MYH10: variants seen among roughly 807,000 people sequenced by gnomAD.
MYH10 encodes myosin heavy chain 10.
A neutral mutation model predicts 257.8 loss-of-function variants in MYH10; 55 were observed. The observed-to-expected ratio is 0.21, with a 90% CI of 0.17 to 0.27. MYH10 has a LOEUF of 0.27. Among genes scored for constraint, MYH10 ranks in the 10% least tolerant of loss-of-function variants. MYH10 has a pLI of 1.00. For synonymous variants in MYH10, 854 were observed against 921.7 expected (o/e 0.93, Z 1.33); for missense variants, 1,631 against 2,500.6 (o/e 0.65, Z 7.42).
intron 17 of MYH10, among the ~76,000 whole-genome samples, chr17:8,525,688 C>T (rs1043965610): frequency 1.3e-5 from 2 of 152,150 alleles, no homozygotes; most frequent in African/African-American, 4.8e-5. Context: ...AATATAGTAA[C>T]TAATAAATAG....
intron 3 of MYH10, among the ~76,000 whole-genome samples, chr17:8,600,204 A>C (rs2084538268): frequency 6.6e-6 from 1 of 152,220 alleles, no homozygotes; most frequent in Non-Finnish European, 1.5e-5. Context: ...AGTTTTACCA[A>C]ACAAGAATAA....
chr17:8,560,368 C>T (rs1198701634), intron 7 of MYH10: 6 of 245,198 alleles, frequency 2.4e-5, no homozygotes, highest in South Asian at 1.2e-4. Context: ...TTTATTTTTC[C>T]CTACCTTCAC....
intron 6 of MYH10, among the ~76,000 whole-genome samples, chr17:8,571,873 T>G (rs1013575079): frequency 2.0e-5 from 3 of 152,036 alleles, no homozygotes; most frequent in African/African-American, 4.8e-5. Flanking sequence ...GACCAATATC[T>G]TGCAAAGCCC....
intron 4 of MYH10, among the ~76,000 whole-genome samples, chr17:8,584,572 T>C (rs1020565581): frequency 2.6e-5 from 4 of 152,290 alleles, no homozygotes; most frequent in South Asian, 2.1e-4. Context: ...GGGTGAGTTA[T>C]AGTGTCTAGT....
chr17:8,590,193 C>A (rs1336043387), intron 3 of MYH10, among the ~76,000 whole-genome samples: 2 of 152,212 alleles, frequency 1.3e-5, no homozygotes, highest in Non-Finnish European at 2.9e-5. Context: ...AATAAGTGCT[C>A]CGTTCACTAT....
At chr17:8,629,876 C>T (rs1208847223) in intron 1 of MYH10, among the ~76,000 whole-genome samples, 1 of 151,870 alleles carries the variant, frequency 6.6e-6, no homozygotes, top group African/African-American at 2.4e-5. Context: ...ACGCCCTCCT[C>T]CCGCGCTCCT....
intron 36 of MYH10, among the ~76,000 whole-genome samples, chr17:8,486,884 TATTTTGTTAAATTTTC>T (rs1914905489): frequency 6.6e-6 from 1 of 152,220 alleles, no homozygotes; most frequent in African/African-American, 2.4e-5. Flanking sequence ...TTCTTCTTTA[TATTTTGTTAAATTTTC>T]AAGATGTATC....
At position 8,506,118 on chromosome 17, in the gene MYH10, A is replaced by T; in HGVS notation, c.3386+200T>A. 2.1e-6 allele frequency: 1 copy of T among 481,992 alleles called. No individual in the cohort carries two copies. The highest frequency in any genetic ancestry group is 3.6e-6 in the Non-Finnish European group (1 of 279,690). 29.9% of individuals were successfully genotyped at this position (481,992 alleles called of 1,614,324 possible). On this transcript the variant is annotated intron_variant, in intron 27 of 42. Coordinates refer to ENST00000360416, the MANE Select transcript of MYH10 (RefSeq NM_001256012.3). This position sits in a 1 kb window ranked among gnomAD's most constrained non-coding sequence, Gnocchi z 5.0. ...TAATTTGTCATTTTAAAGTATAAAT[A>T]TTGAGATGGTTTATGAGACTTTCTT...
At chr17:8,482,929 A>G (rs1345221761) in intron 37 of MYH10, among the ~76,000 whole-genome samples, 1 of 152,240 alleles carries the variant, frequency 6.6e-6, no homozygotes, top group Non-Finnish European at 1.5e-5. Context: ...GAGCTTACAC[A>G]TCTACTTCAT....
At chr17:8,577,688 T>C (rs769453378) in intron 4 of MYH10, among the ~76,000 whole-genome samples, 4 of 152,112 alleles carry the variant, frequency 2.6e-5, no homozygotes, top group Non-Finnish European at 5.9e-5. Context: ...CACACCACCA[T>C]GCCCGGCTAA....
chr17:8,587,792 T>C (rs2083964476), intron 4 of MYH10, among the ~76,000 whole-genome samples: 1 of 152,206 alleles, frequency 6.6e-6, no homozygotes, highest in South Asian at 2.1e-4. Flanking sequence ...ACTCAACTAC[T>C]CTCCACCTTC....
At position 8,504,523 on chromosome 17, in the gene MYH10, T is replaced by C. The variant is rs73246598; in HGVS notation, c.3599+171A>G. Among the ~76,000 whole-genome samples the C allele has an allele frequency of 5.7e-3, 864 of 152,294 alleles. 11 individuals are homozygous for C. Among genetic ancestry groups the C allele is most frequent in the African/African-American group, 0.02 (836 of 41,570 alleles). ...CCACCCACCCCTGCACAGGTATTTC[T>C]ACCCATAGGCTGGTCTGTTTCTAAC... On this transcript the variant is annotated intron_variant, in intron 28 of 42. Coordinates refer to ENST00000360416, the MANE Select transcript of MYH10 (RefSeq NM_001256012.3). This position sits in a 1 kb window ranked among gnomAD's most constrained non-coding sequence, Gnocchi z 5.6.
At position 8,500,932 on chromosome 17, in the gene MYH10, G is replaced by C; in HGVS notation, c.3638C>G (p.Ala1213Gly). The change falls in exon 29 of 43, where the codon GCT (alanine) becomes GGT (glycine). Residue 1213 changes from alanine to glycine, a missense_variant. Physicochemically the swap from Ala to Gly is moderately conservative, Grantham distance 60. Around this residue, in one of 11 missense-constraint regions of MYH10, gnomAD observed 463 missense variants for 621.8 expected, o/e 0.74. Transcript: ENST00000360416. ...ATGGTTCTTAGTTTCCTCCTCAAGA[G>C]CTTTCTTCAGCTCTGCCACTTCTTG... ...REQEVAELKK[A>G]LEEETKNHEA... is the part of the protein sequence containing the mutation. The C allele has an allele frequency of 6.2e-7, 1 of 1,614,096 alleles. No homozygotes were observed. The highest frequency in any genetic ancestry group is 8.5e-7 in the Non-Finnish European group (1 of 1,180,010).
At chr17:8,488,907 C>A (rs1915311072) in intron 35 of MYH10, among the ~76,000 whole-genome samples, 1 of 152,162 alleles carries the variant, frequency 6.6e-6, no homozygotes, top group African/African-American at 2.4e-5. Flanking sequence ...AAAAAAATTT[C>A]TACAAATTCT....
At chr17:8,509,694 T>C (rs2081194836) in intron 25 of MYH10, 118 bp downstream of exon 25, 1 of 1,003,350 alleles carries the variant, frequency 1.0e-6, no homozygotes, top group African/African-American at 1.7e-5. Context: ...ATTCAGTAAA[T>C]GAACCTAAAA....
chr17:8,597,446 C>T (rs1213257775), intron 3 of MYH10, among the ~76,000 whole-genome samples: 1 of 151,570 alleles, frequency 6.6e-6, no homozygotes, highest in Non-Finnish European at 1.5e-5. Flanking sequence ...AGAAGAAATT[C>T]CTAAAGAGGG....
chr17:8,605,628 C>T (rs1597956401), intron 2 of MYH10, among the ~76,000 whole-genome samples: 1 of 152,226 alleles, frequency 6.6e-6, no homozygotes, highest in South Asian at 2.1e-4. Context: ...CCTGTAATCC[C>T]AGCTACTCAG....
At chr17:8,480,074 G>T (rs771316437) in intron 40 of MYH10, 36 bp downstream of exon 40, 1 of 1,603,718 alleles carries the variant, frequency 6.2e-7, no homozygotes, top group Non-Finnish European at 8.5e-7. Flanking sequence ...GAGCCTAGTT[G>T]GTAAGTTTTG....
intron 2 of MYH10, among the ~76,000 whole-genome samples, chr17:8,619,201 A>C (rs927261030): frequency 2.0e-5 from 3 of 152,226 alleles, no homozygotes; most frequent in Non-Finnish European, 4.4e-5. Context: ...AGATTTAATA[A>C]AATCAATTAT....
Sources: allele counts gnomAD v4.1 joint callset (sites outside exome capture counted in the v4.1 genomes callset), GRCh38; gene constraint gnomAD v4.1.1; regional missense constraint gnomAD v4.1.1; non-coding constraint Gnocchi (gnomAD v3.1); transcripts MANE v1.5; gene names NCBI Gene and HGNC (gene_info 2026-07-23, HGNC 2026-07-21).